Variants in SPIRE1 observed in about 807,000 individuals in gnomAD.
SPIRE1 encodes spire type actin nucleation factor 1, also known as protein spire homolog 1.
In SPIRE1, 40 loss-of-function variants were observed where a neutral mutation model predicts 94.1. That is an observed-to-expected ratio of 0.43 (90% CI 0.33 to 0.55). The LOEUF (loss-of-function observed/expected upper bound fraction) is 0.55. Among genes scored for constraint, SPIRE1 ranks in the 20% least tolerant of loss-of-function variants. The pLI, the probability that SPIRE1 is intolerant of heterozygous loss-of-function variation, is 0.06. For missense variants in SPIRE1, 838 were observed against 975.2 expected (o/e 0.86, Z 1.87); for synonymous variants, 376 against 371.7 (o/e 1.01, Z -0.13).
intron 2 of SPIRE1, among the ~76,000 whole-genome samples, chr18:12,566,247 A>G (rs1007120032): frequency 1.4e-5 from 2 of 147,426 alleles, no homozygotes; most frequent in African/African-American, 5.0e-5. Context: ...GAGGCAGGAG[A>G]ATGGCTTGAA....
At chr18:12,640,527 AT>A (rs2038056657) in intron 1 of SPIRE1, among the ~76,000 whole-genome samples, 1 of 152,254 alleles carries the variant, frequency 6.6e-6, no homozygotes, top group Non-Finnish European at 1.5e-5. Context: ...TTCTTGCCTC[AT>A]AAGGCTTACA....
At chr18:12,636,170 G>A (rs1235378112) in intron 1 of SPIRE1, among the ~76,000 whole-genome samples, 2 of 152,180 alleles carry the variant, frequency 1.3e-5, no homozygotes, top group Non-Finnish European at 2.9e-5. Flanking sequence ...TGGGATTACA[G>A]GCGTGAGCCA....
rs2032768955 is a variant in SPIRE1 at position 12,479,736 on chromosome 18, G to A, written c.1367C>T (p.Ala456Val). The change falls in exon 10 of 17, where the codon GCC becomes GTC. Residue 456 changes from alanine to valine, a missense_variant. By Grantham distance (64) the Ala-to-Val change is moderately conservative. This residue lies in a region of SPIRE1 where 645 missense variants were observed against 804.7 expected (regional missense o/e 0.80). Coordinates refer to ENST00000409402, the MANE Select transcript of SPIRE1 (RefSeq NM_001128626.2). ...GCTGTCCAGTTCGGCCAGAGTTGGGGCTCTGAGGAGCTTCTTCCGCTGTGC... is the reference window on the plus strand; with the variant it reads ...GCTGTCCAGTTCGGCCAGAGTTGGGACTCTGAGGAGCTTCTTCCGCTGTGC... ...VPAQRKKLLRAPTLAELDSSE... is the reference protein window; with the variant it reads ...VPAQRKKLLRVPTLAELDSSE... 10 of 1,613,742 alleles carry A rather than the reference G, an allele frequency of 6.2e-6. No individual in the cohort carries two copies. Among genetic ancestry groups the A allele is most frequent in the Non-Finnish European group, 7.6e-6 (9 of 1,179,914 alleles).
chr18:12,640,917 A>G (rs1289287068), intron 1 of SPIRE1, among the ~76,000 whole-genome samples: 2 of 152,196 alleles, frequency 1.3e-5, no homozygotes, highest in Admixed American at 6.5e-5. Flanking sequence ...AGCTGCGTCC[A>G]GGTAGTTTCC....
At chr18:12,470,813 T>C (rs2032327008) in intron 10 of SPIRE1, among the ~76,000 whole-genome samples, 3 of 152,074 alleles carry the variant, frequency 2.0e-5, no homozygotes, top group Admixed American at 2.0e-4. Context: ...TGCTTGTGTT[T>C]TTTGTCTGAT....
At chr18:12,625,632 A>G (rs2037600274) in intron 2 of SPIRE1, among the ~76,000 whole-genome samples, 1 of 152,248 alleles carries the variant, frequency 6.6e-6, no homozygotes, top group Non-Finnish European at 1.5e-5. Flanking sequence ...TCATTTATGC[A>G]GCTAAAGTTG....
chr18:12,599,694 T>TTGGCAGAGATACC (rs1423157942), intron 2 of SPIRE1, among the ~76,000 whole-genome samples: 2 of 152,222 alleles, frequency 1.3e-5, no homozygotes, highest in East Asian at 3.8e-4. Flanking sequence ...TTATGCACAC[T>TTGGCAGAGATACC]TGGCAGAGAT....
At chr18:12,474,158 T>C (rs1263746681) in intron 10 of SPIRE1, among the ~76,000 whole-genome samples, 1 of 152,190 alleles carries the variant, frequency 6.6e-6, no homozygotes, top group African/African-American at 2.4e-5. Flanking sequence ...CAAGAGTGAA[T>C]AAAGTGTTCA....
In SPIRE1 at chr18:12,657,555, G is replaced by A; in HGVS notation, c.312C>T (p.Asp104=). 8.1e-7 allele frequency: 1 copy of A among 1,236,284 alleles called. No individual in the cohort carries two copies. Among genetic ancestry groups the A allele is most frequent in the Middle Eastern group, 2.6e-4 (1 of 3,810 alleles). The allele number at this position is 1,236,284 out of a possible 1,614,324, so 76.6% of individuals were successfully genotyped here. ...CCGCAACTGGGGGCGGCTCTCCCGC[G>A]TCGTCGGCCGCGGGCGCCAGGGTGA... The part of the protein sequence containing the change: ...GAVTLAPAAD[D]AGEPPPVAGK... Residue 104 remains aspartate (D), a synonymous_variant, in exon 1 of 17, where the codon GAC becomes GAT. Transcript: ENST00000409402.
intron 2 of SPIRE1, among the ~76,000 whole-genome samples, chr18:12,611,953 C>T (rs1308047959): frequency 2.0e-5 from 3 of 152,070 alleles, no homozygotes; most frequent in Non-Finnish European, 2.9e-5. Context: ...AGATTACAGG[C>T]GTGAGCCACT....
chr18:12,624,237 T>TAA (rs71174110), intron 2 of SPIRE1, among the ~76,000 whole-genome samples: 1 of 146,510 alleles, frequency 6.8e-6, no homozygotes, highest in African/African-American at 2.5e-5. Context: ...GGCAAATTAT[T>TAA]AAAAAAAAAA....
intron 2 of SPIRE1, among the ~76,000 whole-genome samples, chr18:12,551,258 T>A (rs2035339552): frequency 6.6e-6 from 1 of 152,190 alleles, no homozygotes; most frequent in Admixed American, 6.5e-5. Context: ...AGCACTTGGT[T>A]CATAGCAGAT....
chr18:12,568,840 G>A (rs906013820), intron 2 of SPIRE1, among the ~76,000 whole-genome samples: 2 of 152,082 alleles, frequency 1.3e-5, no homozygotes, highest in Non-Finnish European at 2.9e-5. Context: ...AACACAGAAA[G>A]TTACTCCACC....
At chr18:12,462,964 T>C (rs921211147) in intron 12 of SPIRE1, among the ~76,000 whole-genome samples, 1 of 152,144 alleles carries the variant, frequency 6.6e-6, no homozygotes, top group Non-Finnish European at 1.5e-5. Flanking sequence ...GGTGTAGTCA[T>C]AGCTCACTGC....
chr18:12,503,041 G>A (rs918118424), intron 6 of SPIRE1, among the ~76,000 whole-genome samples: 23 of 151,648 alleles, frequency 1.5e-4, no homozygotes, highest in African/African-American at 5.1e-4. Flanking sequence ...CCCGGGAGGC[G>A]GAGCTTGCAG....
chr18:12,501,532 T>C (rs2033666150), intron 6 of SPIRE1, among the ~76,000 whole-genome samples: 1 of 152,166 alleles, frequency 6.6e-6, no homozygotes, highest in Non-Finnish European at 1.5e-5. Flanking sequence ...TACAGGCACA[T>C]GCCACCACAC....
In SPIRE1 at chr18:12,506,670, A is replaced by G. The variant is rs1316345573; in HGVS notation, c.808-29T>C. On this transcript the variant is annotated intron_variant, in intron 5 of 16. Transcript: ENST00000409402. ...AAAGAACCAAGGATAGAGAGACATCAATGAATAAATGTACTAGTTTCTTCT... is the reference window on the plus strand; with the variant it reads ...AAAGAACCAAGGATAGAGAGACATCGATGAATAAATGTACTAGTTTCTTCT... 1.9e-6 allele frequency: 3 copies of G among 1,604,174 alleles called. No homozygotes were observed. In the African/African-American group the frequency reaches 4.0e-5, roughly 21 times the overall value.
intron 4 of SPIRE1, among the ~76,000 whole-genome samples, chr18:12,525,293 A>T (rs377407171): frequency 0.016 from 2,314 of 143,442 alleles, 20 homozygotes; most frequent in South Asian, 0.081. Flanking sequence ...AAAAAAAAAA[A>T]AAAAATAATA....
chr18:12,475,963 C>A (rs2032554488), intron 10 of SPIRE1, among the ~76,000 whole-genome samples: 1 of 152,136 alleles, frequency 6.6e-6, no homozygotes, highest in Non-Finnish European at 1.5e-5. Flanking sequence ...TTTGAGTTTC[C>A]AGGTGTTCAT....
Sources: gnomAD v4.1 joint callset for allele counts (sites outside exome capture counted in the v4.1 genomes callset) on GRCh38, gnomAD v4.1.1 for gene constraint, gnomAD v4.1.1 regional missense constraint, MANE v1.5 for transcripts, NCBI Gene and HGNC (gene_info 2026-07-23, HGNC 2026-07-21) for gene names.